Variants in NETO1 observed in about 807,000 individuals in gnomAD.
The protein encoded by NETO1 is neuropilin and tolloid like 1.
In NETO1, 26 loss-of-function variants were observed where a neutral mutation model predicts 61.3. The observed-to-expected ratio is 0.42, with a 90% CI of 0.31 to 0.59. NETO1 has a LOEUF of 0.59. NETO1 is among the 20% of genes least tolerant of loss of function. The pLI is 0.12. For synonymous variants in NETO1, 225 were observed against 225.8 expected, an observed-to-expected ratio of 1.00 and a Z score of 0.03; for missense variants, 531 against 662.8, an observed-to-expected ratio of 0.80 and a Z score of 2.18.
chr18:72,746,397 T>A lies in NETO1; in HGVS notation c.*1782A>T, dbSNP rs896811963. Among the ~76,000 whole-genome samples the A allele has an allele frequency of 6.6e-6, 1 of 152,064 alleles. No homozygotes were observed. The highest frequency in any genetic ancestry group is 1.5e-5 in the Non-Finnish European group (1 of 67,980). On this transcript the variant is annotated 3_prime_UTR_variant, in exon 11 of 11. Transcript: ENST00000327305. Reference sequence around the variant, plus strand: ...AAAGGGTACATTTTATCATAAGCAATGTGTATAAAACTATGTAGCATAACA... The same window carrying A: ...AAAGGGTACATTTTATCATAAGCAAAGTGTATAAAACTATGTAGCATAACA...
At chr18:72,860,947 T>C (rs2074553593) in intron 3 of NETO1, among the ~76,000 whole-genome samples, 1 of 152,228 alleles carries the variant, frequency 6.6e-6, no homozygotes, top group Non-Finnish European at 1.5e-5. Flanking sequence ...TAACAAGTTT[T>C]ATGATGAAAC....
intron 7 of NETO1, among the ~76,000 whole-genome samples, chr18:72,764,574 C>A (rs2071088784): frequency 6.6e-6 from 1 of 152,062 alleles, no homozygotes; most frequent in South Asian, 2.1e-4. Flanking sequence ...TCATCAGACA[C>A]AGAGCCCCCA....
intron 6 of NETO1, among the ~76,000 whole-genome samples, chr18:72,791,260 G>A (rs1480863888): frequency 3.3e-5 from 5 of 152,122 alleles, no homozygotes; most frequent in Non-Finnish European, 5.9e-5. Context: ...CATTTTAATA[G>A]AGCCAAGTAA....
chr18:72,842,134 AT>A (rs2145488418), intron 4 of NETO1, among the ~76,000 whole-genome samples: 1 of 152,344 alleles, frequency 6.6e-6, no homozygotes, highest in South Asian at 2.1e-4. Flanking sequence ...GTTTTAAGGT[AT>A]GCAAAAATGC....
chr18:72,799,342 T>C (rs2072425825), intron 4 of NETO1, among the ~76,000 whole-genome samples: 1 of 152,240 alleles, frequency 6.6e-6, no homozygotes, highest in African/African-American at 2.4e-5. Flanking sequence ...TATCTGTTTC[T>C]GTATGGTGTA....
chr18:72,764,162 G>C (rs1051135252), intron 7 of NETO1, among the ~76,000 whole-genome samples: 2 of 152,126 alleles, frequency 1.3e-5, no homozygotes, highest in African/African-American at 4.8e-5. Flanking sequence ...AACCATATCA[G>C]AGTACATTTA....
chr18:72,808,651 C>T (rs1007199547), intron 4 of NETO1, among the ~76,000 whole-genome samples: 4 of 152,172 alleles, frequency 2.6e-5, no homozygotes, highest in Admixed American at 1.3e-4. Flanking sequence ...GTTACAGCCA[C>T]ATAAATAAGA....
chr18:72,866,784 G>T, intron 1 of NETO1: 1 of 994,880 alleles, frequency 1.0e-6, no homozygotes, highest in Non-Finnish European at 1.2e-6. Flanking sequence ...GCGGAAAGGG[G>T]TGGAAGCTGA....
chr18:72,769,734 T>A (rs141493374), intron 7 of NETO1, among the ~76,000 whole-genome samples: 1 of 152,296 alleles, frequency 6.6e-6, no homozygotes, highest in African/African-American at 2.4e-5. Context: ...AGAGTATAAA[T>A]GTAATGTACA....
At chr18:72,793,838 C>T (rs1260988211) in intron 6 of NETO1, among the ~76,000 whole-genome samples, 1 of 152,162 alleles carries the variant, frequency 6.6e-6, no homozygotes, top group African/African-American at 2.4e-5. Context: ...TCTTGCATAC[C>T]ATTTCAATCC....
intron 7 of NETO1, among the ~76,000 whole-genome samples, chr18:72,762,652 T>G (rs890153073): frequency 6.6e-6 from 1 of 152,234 alleles, no homozygotes; most frequent in Non-Finnish European, 1.5e-5. Flanking sequence ...CACCTTTGCT[T>G]TGCTCTATTG....
At chr18:72,749,366 A>G (rs1299608779) in intron 9 of NETO1, among the ~76,000 whole-genome samples, 1 of 152,166 alleles carries the variant, frequency 6.6e-6, no homozygotes, top group East Asian at 1.9e-4. Context: ...AATTTTTCCT[A>G]AATTTAAATG....
intron 7 of NETO1, among the ~76,000 whole-genome samples, chr18:72,773,177 C>A (rs2071433266): frequency 6.6e-6 from 1 of 151,934 alleles, no homozygotes; most frequent in South Asian, 2.1e-4. Context: ...TGAGTCATCA[C>A]CTGTAGTTCT....
intron 4 of NETO1, among the ~76,000 whole-genome samples, chr18:72,809,427 G>A (rs1170190492): frequency 6.6e-6 from 1 of 152,132 alleles, no homozygotes; most frequent in African/African-American, 2.4e-5. Context: ...GGCATCAATT[G>A]CCTCGCTTCT....
At chr18:72,796,436 G>A (rs2072312918) in intron 4 of NETO1, among the ~76,000 whole-genome samples, 1 of 152,162 alleles carries the variant, frequency 6.6e-6, no homozygotes, top group South Asian at 2.1e-4. Context: ...AATAAATTTT[G>A]AAACAAGTTA....
intron 7 of NETO1, among the ~76,000 whole-genome samples, chr18:72,782,183 T>C (rs1035468546): frequency 8.5e-5 from 13 of 152,214 alleles, no homozygotes; most frequent in Admixed American, 8.5e-4. Flanking sequence ...ATGGTATCAT[T>C]CTTTTTTATG....
chr18:72,788,535 C>T, intron 6 of NETO1, among the ~76,000 whole-genome samples: 1 of 151,612 alleles, frequency 6.6e-6, no homozygotes, highest in Non-Finnish European at 1.5e-5. Flanking sequence ...TAGCAAACTA[C>T]AGAAAGCTCT....
At chr18:72,842,954 C>G (rs1053204626) in intron 4 of NETO1, among the ~76,000 whole-genome samples, 1 of 152,122 alleles carries the variant, frequency 6.6e-6, no homozygotes, top group Non-Finnish European at 1.5e-5. Context: ...CTTATAACGG[C>G]ATTTTTAGAA....
chr18:72,788,397 A>T (rs1266025116), intron 6 of NETO1, among the ~76,000 whole-genome samples: 1 of 152,142 alleles, frequency 6.6e-6, no homozygotes, highest in Non-Finnish European at 1.5e-5. Context: ...AGAAAACGTG[A>T]TCACGCTTTC....
Sources: gnomAD v4.1 joint callset for allele counts (sites outside exome capture counted in the v4.1 genomes callset) on GRCh38, gnomAD v4.1.1 for gene constraint, MANE v1.5 for transcripts, NCBI Gene and HGNC (gene_info 2026-07-23, HGNC 2026-07-21) for gene names.